Variants in CDKL3 observed in about 807,000 individuals in gnomAD.
The protein encoded by CDKL3 is cyclin-dependent kinase-like 3.
In CDKL3, 65 loss-of-function variants were observed where a neutral mutation model predicts 69.3. The ratio of observed to expected loss-of-function variants is 0.94; its 90% CI spans 0.77 to 1.15. The LOEUF (loss-of-function observed/expected upper bound fraction) is 1.15. Among genes scored for constraint, CDKL3 ranks in the 50% most tolerant of loss-of-function variants. The probability of loss-of-function intolerance (pLI) is 0.00; values close to 1 mark genes in which losing one functional copy is unlikely to be tolerated. For synonymous variants in CDKL3, 202 were observed against 221.6 expected, an observed-to-expected ratio of 0.91 and a Z score of 0.79; for missense variants, 652 against 689.2, an observed-to-expected ratio of 0.95 and a Z score of 0.61.
intron 12 of CDKL3, among the ~76,000 whole-genome samples, chr5:134,301,609 C>T (rs1407892790): frequency 1.3e-5 from 2 of 152,002 alleles, no homozygotes; most frequent in East Asian, 3.8e-4. Flanking sequence ...GGGCCAGATG[C>T]GGCGGCTCAC....
upstream of CDKL3, chr5:134,371,488 G>A (rs1758401067): frequency 3.2e-5 from 45 of 1,416,466 alleles, no homozygotes; most frequent in South Asian, 5.3e-4. Flanking sequence ...GGCGGCGGCG[G>A]CGGCGGCGGC....
chr5:134,297,586 CT>C (rs921544838), downstream of CDKL3, among the ~76,000 whole-genome samples: 175 of 143,864 alleles, frequency 1.2e-3, no homozygotes, highest in Admixed American at 1.7e-3. Context: ...TTTTTTCTTT[CT>C]TTTTTTTTTT....
At chr5:134,353,308 T>C (rs1277477177) in intron 3 of CDKL3, among the ~76,000 whole-genome samples, 1 of 152,134 alleles carries the variant, frequency 6.6e-6, no homozygotes, top group Non-Finnish European at 1.5e-5. Context: ...AACAATCTTC[T>C]ATTCCAGTGA....
downstream of CDKL3, among the ~76,000 whole-genome samples, chr5:134,285,461 C>A (rs932102597): frequency 1.1e-4 from 16 of 152,234 alleles, no homozygotes; most frequent in African/African-American, 3.6e-4. Context: ...CCAAGCTCTA[C>A]ATTGGCCCCC....
At position 134,359,913 on chromosome 5, in the gene CDKL3, T is replaced by G; in HGVS notation, c.344A>C (p.Tyr115Ser). 1 of 1,582,888 alleles carries G rather than the reference T, an allele frequency of 6.3e-7. No individual in the cohort carries two copies. The highest frequency in any genetic ancestry group is 2.3e-5 in the East Asian group (1 of 44,252). The change falls in exon 3 of 13, where the codon TAT becomes TCT. Residue 115 changes from tyrosine (Y) to serine (S), a missense_variant. Transcript: ENST00000265334. ...YLFQILRAIDYLHSNNIIHRD... is the reference protein window; with the variant it reads ...YLFQILRAIDSLHSNNIIHRD... ...AGCACTTACATTATTACTGTGAAGATAGTCAATTGCTCGAAGGATCTGGAA... is the reference window on the plus strand; with the variant it reads ...AGCACTTACATTATTACTGTGAAGAGAGTCAATTGCTCGAAGGATCTGGAA...
intron 3 of CDKL3, among the ~76,000 whole-genome samples, chr5:134,357,345 G>C (rs962657942): frequency 5.9e-5 from 9 of 152,124 alleles, no homozygotes; most frequent in African/African-American, 1.9e-4. Flanking sequence ...TTGGGAGGCT[G>C]AGGCAGGAGA....
At chr5:134,346,852 T>C (rs1752030329) in intron 4 of CDKL3, among the ~76,000 whole-genome samples, 2 of 152,196 alleles carry the variant, frequency 1.3e-5, no homozygotes, top group African/African-American at 4.8e-5. Flanking sequence ...ACCCATTAAA[T>C]ATGTTTAAGT....
At chr5:134,371,572 C>G, upstream of CDKL3, 3 of 1,610,222 alleles carry the variant, frequency 1.9e-6, no homozygotes, top group East Asian at 2.2e-5. Flanking sequence ...TTTTTTCAGA[C>G]TGACCGCGGG....
chr5:134,366,882 C>G, intron 1 of CDKL3, 95 bp downstream of exon 1: 1 of 1,005,642 alleles, frequency 9.9e-7, no homozygotes. Context: ...TAATAGGTTC[C>G]CGCACTACTG....
At chr5:134,366,249 G>T in intron 2 of CDKL3, 110 bp downstream of exon 2, 1 of 717,690 alleles carries the variant, frequency 1.4e-6, no homozygotes, top group East Asian at 2.8e-5. Flanking sequence ...TATTACACTT[G>T]TTTCTCCATA....
chr5:134,296,665 C>T (rs890133136), downstream of CDKL3, among the ~76,000 whole-genome samples: 1 of 151,960 alleles, frequency 6.6e-6, no homozygotes, highest in African/African-American at 2.4e-5. Flanking sequence ...AGAATGTTTG[C>T]GTCAAGGCGT....
At chr5:134,288,610 A>G (rs1241957213) in intron 8 of CDKL3, among the ~76,000 whole-genome samples, 1 of 152,222 alleles carries the variant, frequency 6.6e-6, no homozygotes, top group Non-Finnish European at 1.5e-5. Context: ...AAGGGAATTA[A>G]GTCAGGATAA....
intron 4 of CDKL3, among the ~76,000 whole-genome samples, chr5:134,322,769 C>G (rs1773123520): frequency 6.6e-6 from 1 of 152,160 alleles, no homozygotes; most frequent in African/African-American, 2.4e-5. Context: ...ATCACAAGGT[C>G]AGGAGTTCGA....
chr5:134,350,697 A>G (rs1753030224), intron 3 of CDKL3, among the ~76,000 whole-genome samples: 1 of 151,986 alleles, frequency 6.6e-6, no homozygotes, highest in South Asian at 2.1e-4. Context: ...GAACTTAATG[A>G]GGCTGGGAGT....
At chr5:134,371,359 G>T (rs949936167), upstream of CDKL3, 28 of 617,094 alleles carry the variant, frequency 4.5e-5, no homozygotes, top group African/African-American at 4.5e-4. Context: ...CGGGGAAGGC[G>T]CGCTCCCGCG....
intron 4 of CDKL3, among the ~76,000 whole-genome samples, chr5:134,330,359 T>C (rs1161118988): frequency 6.6e-6 from 1 of 152,182 alleles, no homozygotes; most frequent in Non-Finnish European, 1.5e-5. Flanking sequence ...AGCTGGAGCA[T>C]GGTCATGGTG....
rs113865500 is a variant in CDKL3 at position 134,307,406 on chromosome 5, T to G, written c.1365-704A>C. On this transcript the variant is annotated intron_variant, in intron 9 of 12. Coordinates refer to ENST00000265334, the MANE Select transcript of CDKL3 (RefSeq NM_001113575.2). The stretch of plus-strand genomic sequence containing the variant: ...CTCAAGAACAACTAGGCTCTTGCAG[T>G]CTGTAACCTGCTGTACCTTTGGACT... Among the ~76,000 whole-genome samples the G allele has an allele frequency of 5.0e-3, 756 of 152,326 alleles. 2 individuals are homozygous for G. Among genetic ancestry groups the G allele is most frequent in the African/African-American group, 0.017 (724 of 41,572 alleles).
intron 3 of CDKL3, among the ~76,000 whole-genome samples, chr5:134,352,663 G>C (rs755808132): frequency 2.1e-4 from 32 of 151,944 alleles, no homozygotes; most frequent in Non-Finnish European, 3.8e-4. Flanking sequence ...TGCCTGGTCT[G>C]GTCTTGAACT....
Position 134,359,933 on chromosome 5 carries a change from C to G in CDKL3, c.324G>C (p.Gln108His). The G allele has an allele frequency of 6.3e-7, 1 of 1,588,018 alleles. No homozygotes were observed. Among genetic ancestry groups the G allele is most frequent in the Non-Finnish European group, 8.6e-7 (1 of 1,166,390 alleles). Reference sequence around the variant, plus strand: ...GAAGATAGTCAATTGCTCGAAGGATCTGGAAGAGGTATTTTCTAAGTCGCT... The same window carrying G: ...GAAGATAGTCAATTGCTCGAAGGATGTGGAAGAGGTATTTTCTAAGTCGCT... The part of the protein sequence containing the change: ...ESKRLRKYLF[Q>H]ILRAIDYLHS... The change falls in exon 3 of 13, where the codon CAG (glutamine) becomes CAC (histidine). Residue 108 changes from glutamine to histidine, a missense_variant. Transcript: ENST00000265334.
Sources: gnomAD v4.1 joint callset for allele counts (sites outside exome capture counted in the v4.1 genomes callset) on GRCh38, gnomAD v4.1.1 for gene constraint, MANE v1.5 for transcripts, NCBI Gene and HGNC (gene_info 2026-07-23, HGNC 2026-07-21) for gene names.